Variants in SETD1A observed in about 807,000 individuals in gnomAD.
The protein encoded by SETD1A is SET domain containing 1A, histone lysine methyltransferase.
A neutral mutation model predicts 149.9 loss-of-function variants in SETD1A; 29 were observed. The observed-to-expected ratio is 0.19, with a 90% CI of 0.14 to 0.26. SETD1A has a LOEUF of 0.26. Ranked by LOEUF, SETD1A falls within the 10% of genes least tolerant of loss-of-function variation. The pLI is 1.00. For missense variants in SETD1A, 2,109 were observed against 2,353.1 expected (o/e 0.90, Z 2.15); for synonymous variants, 1,141 against 968.5 (o/e 1.18, Z -3.31).
At chr16:30,958,539 GGTT>G (rs765662329) in intron 1 of SETD1A, among the ~76,000 whole-genome samples, 175 bp from the exon 2 acceptor site, 1 of 152,162 alleles carries the variant, frequency 6.6e-6, no homozygotes, top group African/African-American at 2.4e-5. Context: ...AAAGAGGCTG[GGTT>G]GTTGTGGCGA....
chr16:30,963,757 C>T (rs1442300172), intron 5 of SETD1A, among the ~76,000 whole-genome samples: 1 of 152,206 alleles, frequency 6.6e-6, no homozygotes, highest in Non-Finnish European at 1.5e-5. Context: ...CTTTGGGAGG[C>T]CGAGGCGGGT....
chr16:30,960,855 C>T (rs2056043646), intron 3 of SETD1A, among the ~76,000 whole-genome samples: 1 of 151,430 alleles, frequency 6.6e-6, no homozygotes. Flanking sequence ...CCTGCCTCAC[C>T]CTCCTGAGTA....
Position 30,983,757 on chromosome 16 carries a change from C to A in SETD1A, c.4935C>A (p.Ile1645=), listed in dbSNP as rs376580468. Residue 1645 remains isoleucine (I), a synonymous_variant, in exon 18 of 19, where the codon ATC becomes ATA. Coordinates refer to ENST00000262519, the MANE Select transcript of SETD1A (RefSeq NM_014712.3). The surrounding 1 kb of genome is among the most constrained non-coding windows in gnomAD (Gnocchi z 6.8). ...ATKCGNLARF[I]NHCCTPNCYA... ...AGTGTGGCAACCTGGCCAGATTCAT[C>A]AACCACTGCTGCACGGTGCGCCAGG... The A allele has an allele frequency of 6.2e-7, 1 of 1,614,036 alleles. No homozygotes were observed. Among genetic ancestry groups the A allele is most frequent in the African/African-American group, 1.3e-5 (1 of 74,936 alleles).
chr16:30,965,892 G>A lies in SETD1A; in HGVS notation c.2011G>A (p.Ala671Thr), dbSNP rs749293971. ...CTTGGAGCTCATGGACCGACTTGGG[G>A]CTCAGTGGGGAGGGATGCCCATGTC... ...NSLELMDRLGAQWGGMPMSFQ... is the reference protein window; with the variant it reads ...NSLELMDRLGTQWGGMPMSFQ... Residue 671 changes from alanine to threonine, a missense_variant, in exon 8 of 19, where the codon GCT becomes ACT. Ala to Thr is a moderately conservative substitution (Grantham distance 58). Coordinates refer to ENST00000262519, the MANE Select transcript of SETD1A (RefSeq NM_014712.3). 1 of 1,613,260 alleles carries A rather than the reference G, an allele frequency of 6.2e-7. No individual in the cohort carries two copies. Among genetic ancestry groups the A allele is most frequent in the East Asian group, 2.2e-5 (1 of 44,844 alleles).
rs1396902883 is a variant in SETD1A, at chr16:30,980,319, G to T, written c.4408+125G>T. The T allele has an allele frequency of 2.8e-6, 4 of 1,437,324 alleles. No homozygotes were observed. Among genetic ancestry groups the T allele is most frequent in the Non-Finnish European group, 3.7e-6 (4 of 1,077,308 alleles). The allele number at this position is 1,437,324 out of a possible 1,614,324, so 89.0% of individuals were successfully genotyped here. Reference sequence around the variant, plus strand: ...CCAAGCCATCTTTTCTCTCCTCCTGGTGCCTCTTTTCTGCCTTCCAAAGCA... The same window carrying T: ...CCAAGCCATCTTTTCTCTCCTCCTGTTGCCTCTTTTCTGCCTTCCAAAGCA... On this transcript the variant is annotated intron_variant, in intron 14 of 18. Coordinates refer to ENST00000262519, the MANE Select transcript of SETD1A (RefSeq NM_014712.3). This position sits in a 1 kb window ranked among gnomAD's most constrained non-coding sequence, Gnocchi z 7.7.
At chr16:30,976,040 T>C (rs2056280251) in intron 13 of SETD1A, among the ~76,000 whole-genome samples, 1 of 112,738 alleles carries the variant, frequency 8.9e-6, no homozygotes, top group Non-Finnish European at 1.9e-5. Context: ...GTGTTGTGCC[T>C]GAGTCCTCTT....
rs1040081892 is a variant in SETD1A at position 30,961,874 on chromosome 16, G to A, written c.517+337G>A. Among the ~76,000 whole-genome samples the A allele has an allele frequency of 6.6e-6, 1 of 150,702 alleles. No individual in the cohort carries two copies. The highest frequency in any genetic ancestry group is 6.6e-5 in the Admixed American group (1 of 15,152). ...GTTGCTTGGTTGGTTTTTGAGACAG[G>A]ATCCTGCTCTGTCACCTAGGCTGGA... On this transcript the variant is annotated intron_variant, in intron 4 of 18. Coordinates refer to ENST00000262519, the MANE Select transcript of SETD1A (RefSeq NM_014712.3). The surrounding 1 kb of genome is among the most constrained non-coding windows in gnomAD (Gnocchi z 4.0).
rs1255304238 is a variant in SETD1A at position 30,963,569 on chromosome 16, G to T, written c.639+15G>T. The T allele has an allele frequency of 6.2e-7, 1 of 1,609,702 alleles. No homozygotes were observed. The highest frequency in any genetic ancestry group is 1.7e-5 in the Admixed American group (1 of 59,464). On this transcript the variant is annotated intron_variant, in intron 5 of 18. Coordinates refer to ENST00000262519, the MANE Select transcript of SETD1A (RefSeq NM_014712.3). Reference sequence around the variant, plus strand: ...CCACTGAGACGGTGAGAAGTTTGTGGCTACCACAGCCCCTAGCCATGTGGG... The same window carrying T: ...CCACTGAGACGGTGAGAAGTTTGTGTCTACCACAGCCCCTAGCCATGTGGG...
In SETD1A at chr16:30,981,094, C is replaced by G; in HGVS notation, c.4726C>G (p.Arg1576Gly). The G allele has an allele frequency of 2.5e-6, 4 of 1,614,218 alleles. No homozygotes were observed. Among genetic ancestry groups the G allele is most frequent in the Non-Finnish European group, 3.4e-6 (4 of 1,180,032 alleles). The change falls in exon 17 of 19, where the codon CGG becomes GGG. Residue 1576 changes from arginine to glycine, a missense_variant. Arg to Gly is a moderately radical substitution (Grantham distance 125). This residue lies in a region of SETD1A where 254 missense variants were observed against 409.3 expected (regional missense o/e 0.62). Transcript: ENST00000262519. Reference protein sequence around the residue: ...RKKKLRFGRSRIHEWGLFAME... With the variant: ...RKKKLRFGRSGIHEWGLFAME... The stretch of plus-strand genomic sequence containing the variant: ...GAAGAAGCTCCGATTTGGCCGGAGC[C>G]GGATCCACGAGTGGGGTCTGTTTGC...
At position 30,957,914 on chromosome 16, in the gene SETD1A, C is replaced by A. The variant is rs2055984913; in HGVS notation, c.-66C>A. ...CGGCCCCGTGGGTCCCCCGGCAGCGCCTGTGGCGAAAGTGCGAATGCAGAC... is the reference window on the plus strand; with the variant it reads ...CGGCCCCGTGGGTCCCCCGGCAGCGACTGTGGCGAAAGTGCGAATGCAGAC... On this transcript the variant is annotated 5_prime_UTR_variant, in exon 1 of 19. Transcript: ENST00000262519. The A allele has an allele frequency of 6.6e-6, 1 of 152,404 alleles. No homozygotes were observed. Among genetic ancestry groups the A allele is most frequent in the South Asian group, 2.1e-4 (1 of 4,838 alleles). 9.4% of individuals were successfully genotyped at this position (152,404 alleles called of 1,614,324 possible). A position where few individuals can be genotyped will look rare whatever the true frequency, so the allele number is the denominator to read the frequency against.
chr16:30,965,287 G>T lies in SETD1A; in HGVS notation c.1545G>T (p.Glu515Asp). The T allele has an allele frequency of 6.2e-7, 1 of 1,614,250 alleles. No individual in the cohort carries two copies. The highest frequency in any genetic ancestry group is 8.5e-7 in the Non-Finnish European group (1 of 1,180,046). The change falls in exon 7 of 19, where the codon GAG (glutamate) becomes GAT (aspartate). Residue 515 changes from glutamate to aspartate, a missense_variant. Physicochemically the swap from Glu to Asp is conservative, Grantham distance 45. Around this residue, in one of 8 missense-constraint regions of SETD1A, gnomAD observed 431 missense variants for 388.6 expected, o/e 1.11. Coordinates refer to ENST00000262519, the MANE Select transcript of SETD1A (RefSeq NM_014712.3). ...CCTCTGACACAGAGGAGGAGGAAGA[G>T]AACAGCAGCATGGTCCTTGGGGCCA... ...FLASDTEEEE[E>D]NSSMVLGARD...
Position 30,961,165 on chromosome 16 carries a change from G to T in SETD1A, c.247-102G>T. ...CCCTTCCCTTGCCCCTCACTTTCCCGGATCTCTCTCTTGACTTCATGGAGC... is the reference window on the plus strand; with the variant it reads ...CCCTTCCCTTGCCCCTCACTTTCCCTGATCTCTCTCTTGACTTCATGGAGC... On this transcript the variant is annotated intron_variant, in intron 3 of 18. Transcript: ENST00000262519. This position sits in a 1 kb window ranked among gnomAD's most constrained non-coding sequence, Gnocchi z 4.0. The T allele has an allele frequency of 2.4e-6, 3 of 1,247,808 alleles. No individual in the cohort carries two copies. Among genetic ancestry groups the T allele is most frequent in the Non-Finnish European group, 3.4e-6 (3 of 870,896 alleles). 77.3% of individuals were successfully genotyped at this position (1,247,808 alleles called of 1,614,324 possible).
intron 13 of SETD1A, among the ~76,000 whole-genome samples, chr16:30,975,094 G>A (rs1020355408): frequency 6.6e-6 from 1 of 151,862 alleles, no homozygotes. Context: ...GTAGCCATGA[G>A]CCGAGATCGT....
rs926873156 is a variant in SETD1A at position 30,965,733 on chromosome 16, C to T, written c.1852C>T (p.Leu618=). Residue 618 remains leucine, a synonymous_variant, in exon 8 of 19, where the codon CTG becomes TTG. Coordinates refer to ENST00000262519, the MANE Select transcript of SETD1A (RefSeq NM_014712.3). ...TCCCCCGCCGCCTCCTCCTCCCTAC[C>T]TGGCGTCCCTTCCTCTTGGTTATCC... ...PPPPPPPPPY[L]ASLPLGYPPH... The T allele has an allele frequency of 6.3e-7, 1 of 1,586,764 alleles. No individual in the cohort carries two copies. Among genetic ancestry groups the T allele is most frequent in the East Asian group, 2.3e-5 (1 of 44,000 alleles).
In SETD1A at chr16:30,966,089, G is replaced by T. The variant is rs779459035; in HGVS notation, c.2208G>T (p.Gly736=). The part of the protein sequence containing the change: ...YGLPYALYAQ[G]QEGRGAYSRE... ...TGCCGTATGCTCTATATGCACAGGG[G>T]CAGGAGGGCAGAGGGGCATACTCAC... Residue 736 remains glycine, a synonymous_variant, in exon 8 of 19, where the codon GGG becomes GGT. Coordinates refer to ENST00000262519, the MANE Select transcript of SETD1A (RefSeq NM_014712.3). The T allele has an allele frequency of 1.9e-6, 3 of 1,591,910 alleles. No individual in the cohort carries two copies. The highest frequency in any genetic ancestry group is 3.4e-5 in the Admixed American group (2 of 58,472).
In SETD1A at chr16:30,965,723, T is replaced by G; in HGVS notation, c.1842T>G (p.Pro614=). Residue 614 remains proline (P), a synonymous_variant, in exon 8 of 19, where the codon CCT becomes CCG. Transcript: ENST00000262519. Reference sequence around the variant, plus strand: ...CACCTCCCCCTCCCCCGCCGCCTCCTCCTCCCTACCTGGCGTCCCTTCCTC... The same window carrying G: ...CACCTCCCCCTCCCCCGCCGCCTCCGCCTCCCTACCTGGCGTCCCTTCCTC... ...PPPPPPPPPP[P]PPYLASLPLG... The G allele has an allele frequency of 1.1e-6, 1 of 912,396 alleles. No individual in the cohort carries two copies. The highest frequency in any genetic ancestry group is 9.8e-5 in the East Asian group (1 of 10,174). 56.5% of individuals were successfully genotyped at this position (912,396 alleles called of 1,614,324 possible).
rs1258889666 is a variant in SETD1A, at chr16:30,984,171, C to G, written c.*148C>G. On this transcript the variant is annotated 3_prime_UTR_variant, in exon 19 of 19. Transcript: ENST00000262519. ...GGGGGCCCCAAGCCCAGCGAGGGAGCCTCAGTCCCTGGAGGCAGCTTCTGC... is the reference window on the plus strand; with the variant it reads ...GGGGGCCCCAAGCCCAGCGAGGGAGGCTCAGTCCCTGGAGGCAGCTTCTGC... 1 of 659,254 alleles carries G rather than the reference C, an allele frequency of 1.5e-6. No homozygotes were observed. Among genetic ancestry groups the G allele is most frequent in the Non-Finnish European group, 2.5e-6 (1 of 394,598 alleles). The allele number at this position is 659,254 out of a possible 1,614,324, so 40.8% of individuals were successfully genotyped here.
chr16:30,980,011 C>T lies in SETD1A; in HGVS notation c.4225C>T (p.Pro1409Ser), dbSNP rs540606947. The change falls in exon 14 of 19, where the codon CCG (proline) becomes TCG (serine). Residue 1409 changes from proline (P) to serine (S), a missense_variant. Physicochemically the swap from Pro to Ser is moderately conservative, Grantham distance 74. Around this residue, in one of 8 missense-constraint regions of SETD1A, gnomAD observed 832 missense variants for 815.6 expected, o/e 1.02. Coordinates refer to ENST00000262519, the MANE Select transcript of SETD1A (RefSeq NM_014712.3). The surrounding 1 kb of genome is among the most constrained non-coding windows in gnomAD (Gnocchi z 7.7). The part of the protein sequence containing the change: ...RRRRPPPPPP[P>S]PPPRAYEPRS... ...CCGCCGCCCTCCGCCCCCACCCCCG[C>T]CGCCACCGCCCCGCGCCTACGAGCC... The T allele has an allele frequency of 4.0e-6, 6 of 1,500,882 alleles. No individual in the cohort carries two copies. The allele number at this position is 1,500,882 out of a possible 1,614,324, so 93.0% of individuals were successfully genotyped here. A position where few individuals can be genotyped will look rare whatever the true frequency, so the allele number is the denominator to read the frequency against.
Position 30,979,877 on chromosome 16 carries a change from A to C in SETD1A, c.4091A>C (p.Glu1364Ala). 6 of 1,534,880 alleles carry C rather than the reference A, an allele frequency of 3.9e-6. No homozygotes were observed. The highest frequency in any genetic ancestry group is 5.2e-6 in the Non-Finnish European group (6 of 1,146,422). Residue 1364 changes from glutamate to alanine, a missense_variant, in exon 14 of 19, where the codon GAG (glutamate) becomes GCG (alanine). Physicochemically the swap from Glu to Ala is moderately radical, Grantham distance 107 (BLOSUM62 -1). Coordinates refer to ENST00000262519, the MANE Select transcript of SETD1A (RefSeq NM_014712.3). ...LQQQREEGEE[E>A]GEEEGEEEEE... Reference sequence around the variant, plus strand: ...CAGCAGCGGGAGGAGGGCGAAGAGGAGGGGGAGGAAGAGGGGGAGGAAGAG... The same window carrying C: ...CAGCAGCGGGAGGAGGGCGAAGAGGCGGGGGAGGAAGAGGGGGAGGAAGAG...
Sources: allele counts gnomAD v4.1 joint callset (sites outside exome capture counted in the v4.1 genomes callset), GRCh38; gene constraint gnomAD v4.1.1; regional missense constraint gnomAD v4.1.1; non-coding constraint Gnocchi (gnomAD v3.1); transcripts MANE v1.5; gene names NCBI Gene and HGNC (gene_info 2026-07-23, HGNC 2026-07-21).